The following C1QTNF3 variants were observed in gnomAD, a reference collection of about 807,000 sequenced individuals.
C1QTNF3 encodes the protein C1q and TNF related 3.
C1QTNF3 carries 26 observed loss-of-function variants against 32.6 expected under a neutral mutation model. The ratio of observed to expected loss-of-function variants is 0.80; its 90% CI spans 0.58 to 1.11. C1QTNF3 has a LOEUF of 1.11. Ranked by LOEUF, C1QTNF3 falls within the 50% of genes least tolerant of loss-of-function variation. C1QTNF3 has a pLI of 0.00. For missense variants in C1QTNF3, 362 were observed against 398.2 expected, an observed-to-expected ratio of 0.91 and a Z score of 0.77; for synonymous variants, 155 against 146.0, an observed-to-expected ratio of 1.06 and a Z score of -0.44.
At chr5:34,097,271 A>T in the C1QTNF3 span, among the ~76,000 whole-genome samples, 1 of 152,080 alleles carries the variant, frequency 6.6e-6, no homozygotes, top group South Asian at 2.1e-4. Context: ...TTGTTTGAAC[A>T]TTCACCATCC....
At chr5:34,024,092 C>T in intron 4 of C1QTNF3, 84 bp from the exon 5 acceptor site, 1 of 961,742 alleles carries the variant, frequency 1.0e-6, no homozygotes, top group Non-Finnish European at 1.6e-6. Context: ...TTGCCAACTG[C>T]CTTCACATGT....
chr5:34,197,199 C>T, the C1QTNF3 span, among the ~76,000 whole-genome samples: 1 of 152,400 alleles, frequency 6.6e-6, no homozygotes, highest in East Asian at 1.9e-4. Flanking sequence ...GATAATAATG[C>T]TACCAGTACT....
chr5:34,232,829 G>A, the C1QTNF3 span, among the ~76,000 whole-genome samples: 3 of 152,136 alleles, frequency 2.0e-5, no homozygotes, highest in Admixed American at 1.3e-4. Context: ...AAGAATACTT[G>A]TGATTTTGAG....
chr5:34,231,696 G>GA, the C1QTNF3 span, among the ~76,000 whole-genome samples: 1 of 152,118 alleles, frequency 6.6e-6, no homozygotes, highest in African/African-American at 2.4e-5. Context: ...AAGAGTTGAG[G>GA]TTTGGGAACC....
At chr5:34,147,158 A>G in the C1QTNF3 span, among the ~76,000 whole-genome samples, 1 of 151,938 alleles carries the variant, frequency 6.6e-6, no homozygotes, top group Admixed American at 6.6e-5. Flanking sequence ...AATAATAATA[A>G]CAGATGCCGG....
the C1QTNF3 span, among the ~76,000 whole-genome samples, chr5:34,062,721 T>C: frequency 6.6e-6 from 1 of 152,200 alleles, no homozygotes; most frequent in East Asian, 1.9e-4. Flanking sequence ...AGGTCAGATC[T>C]TTTTAAGGTA....
chr5:34,035,832 C>T, intron 1 of C1QTNF3, 74 bp from the exon 2 acceptor site: 1 of 1,112,112 alleles, frequency 9.0e-7, no homozygotes, highest in Non-Finnish European at 1.3e-6. Context: ...TTTCCACTGG[C>T]CTTGGCCCTT....
chr5:34,091,335 C>T, the C1QTNF3 span, among the ~76,000 whole-genome samples: 3 of 152,288 alleles, frequency 2.0e-5, no homozygotes, highest in African/African-American at 4.8e-5. Flanking sequence ...CAACATTCTT[C>T]GCCTCTTTAT....
the C1QTNF3 span, among the ~76,000 whole-genome samples, chr5:34,056,454 G>GTATATATA: frequency 1.6e-3 from 76 of 48,878 alleles, no homozygotes; most frequent in African/African-American, 3.3e-3. Context: ...GTGTGTGTGT[G>GTATATATA]TATATATATA....
At chr5:34,207,882 G>A in the C1QTNF3 span, among the ~76,000 whole-genome samples, 1 of 152,018 alleles carries the variant, frequency 6.6e-6, no homozygotes, top group Non-Finnish European at 1.5e-5. Context: ...CCGCCTCCCG[G>A]GTTCACGCCA....
the C1QTNF3 span, among the ~76,000 whole-genome samples, chr5:34,092,553 T>C: frequency 6.8e-6 from 1 of 146,074 alleles, no homozygotes; most frequent in Non-Finnish European, 1.5e-5. Context: ...ATTTAAAAAG[T>C]AATCTTATTA....
chr5:34,208,507 A>G, the C1QTNF3 span, among the ~76,000 whole-genome samples: 59 of 151,906 alleles, frequency 3.9e-4, 1 homozygote, highest in Middle Eastern at 0.01. Context: ...TTTTTTTTTA[A>G]TCAGAAATAT....
the C1QTNF3 span, among the ~76,000 whole-genome samples, chr5:34,077,831 A>G: frequency 6.6e-6 from 1 of 151,524 alleles, no homozygotes; most frequent in Admixed American, 6.6e-5. Flanking sequence ...CCTCAAGAGC[A>G]GAGGGCTCCC....
At chr5:34,234,053 C>T in the C1QTNF3 span, among the ~76,000 whole-genome samples, 2 of 152,188 alleles carry the variant, frequency 1.3e-5, no homozygotes, top group African/African-American at 4.8e-5. Flanking sequence ...ATAAACATTT[C>T]AAACACCTAT....
chr5:34,213,469 G>C, the C1QTNF3 span, among the ~76,000 whole-genome samples: 1 of 151,468 alleles, frequency 6.6e-6, no homozygotes, highest in Non-Finnish European at 1.5e-5. Context: ...TTATCATTGA[G>C]GTCTATATGC....
At chr5:34,050,102 T>C in the C1QTNF3 span, among the ~76,000 whole-genome samples, 93 of 152,336 alleles carry the variant, frequency 6.1e-4, no homozygotes, top group African/African-American at 2.1e-3. Context: ...CAATGGAAGA[T>C]AACTTTCTCA....
the C1QTNF3 span, among the ~76,000 whole-genome samples, chr5:34,207,848 C>T: frequency 6.6e-5 from 10 of 151,180 alleles, no homozygotes; most frequent in Admixed American, 4.0e-4. Context: ...AGTGCAGTGG[C>T]GGGATCTCAG....
the C1QTNF3 span, among the ~76,000 whole-genome samples, chr5:34,142,958 A>G: frequency 6.6e-6 from 1 of 152,236 alleles, no homozygotes; most frequent in Non-Finnish European, 1.5e-5. Context: ...TGATGGACAT[A>G]GAATTCAGAA....
intron 3 of C1QTNF3, 180 bp downstream of exon 3, chr5:34,033,124 T>A (rs1166647202): frequency 1.6e-6 from 1 of 607,660 alleles, no homozygotes; most frequent in East Asian, 3.2e-5. Context: ...AGTATCTAAG[T>A]CCTCCTTTTG....
Sources: gnomAD v4.1 joint callset for allele counts (sites outside exome capture counted in the v4.1 genomes callset) on GRCh38, gnomAD v4.1.1 for gene constraint, MANE v1.5 for transcripts, NCBI Gene and HGNC (gene_info 2026-07-23, HGNC 2026-07-21) for gene names.